The following CDYL variants were observed in gnomAD, a reference collection of about 807,000 sequenced individuals.
CDYL encodes chromodomain Y-like protein.
Under a neutral mutation model 47.3 loss-of-function variants are expected in CDYL, and 8 were observed. The observed-to-expected ratio is 0.17, with a 90% CI of 0.10 to 0.31. CDYL has a LOEUF of 0.31. CDYL is among the 10% of genes least tolerant of loss of function. The pLI is 1.00. For missense variants in CDYL, 471 were observed against 701.4 expected (o/e 0.67, Z 3.71); for synonymous variants, 266 against 265.0 (o/e 1.00, Z -0.04).
intron 1 of CDYL, among the ~76,000 whole-genome samples, chr6:4,814,675 A>G (rs537109871): frequency 1.3e-5 from 2 of 152,196 alleles, no homozygotes; most frequent in East Asian, 3.9e-4. Context: ...ACAGCCGGCT[A>G]CCATGCCTGG....
At chr6:4,761,033 C>T (rs1381156864) in intron 3 of CDYL, among the ~76,000 whole-genome samples, 1 of 152,092 alleles carries the variant, frequency 6.6e-6, no homozygotes, top group African/African-American at 2.4e-5. Flanking sequence ...ACTATATTTC[C>T]AACTATGTTA....
chr6:4,904,833 G>A (rs528800458), intron 2 of CDYL, among the ~76,000 whole-genome samples: 31 of 152,294 alleles, frequency 2.0e-4, no homozygotes, highest in Non-Finnish European at 4.4e-4. Flanking sequence ...CTTAGGACCC[G>A]TGTTAGCCAC....
At chr6:4,952,969 C>T (rs1339515090) in intron 6 of CDYL, among the ~76,000 whole-genome samples, 3 of 151,990 alleles carry the variant, frequency 2.0e-5, no homozygotes, top group African/African-American at 4.8e-5. Flanking sequence ...AGTCTCACCA[C>T]GTTGGCCAGG....
chr6:4,848,968 A>C (rs1249820587), intron 1 of CDYL, among the ~76,000 whole-genome samples: 1 of 152,272 alleles, frequency 6.6e-6, no homozygotes, highest in Admixed American at 6.5e-5. Context: ...CATTCTTTGC[A>C]TAACAGCAAA....
At chr6:4,879,552 G>GTTTTTTT (rs59685693) in intron 1 of CDYL, among the ~76,000 whole-genome samples, 3 of 106,184 alleles carry the variant, frequency 2.8e-5, no homozygotes, top group Non-Finnish European at 5.4e-5. Flanking sequence ...TTTTTGTGGG[G>GTTTTTTT]TTTTTTTTTT....
intron 1 of CDYL, among the ~76,000 whole-genome samples, chr6:4,778,310 A>G (rs1422610851): frequency 2.0e-5 from 3 of 152,236 alleles, no homozygotes; most frequent in African/African-American, 7.2e-5. Flanking sequence ...TTACATAATC[A>G]GTTCCATCAG....
In CDYL at chr6:4,942,156, A is replaced by T. The variant is rs1758377830; in HGVS notation, c.1122-1390A>T. Among the ~76,000 whole-genome samples, 4 of 152,330 alleles carry T rather than the reference A, an allele frequency of 2.6e-5. No homozygotes were observed. The South Asian group carries it at 6.2e-4, about 24-fold the overall frequency. On this transcript the variant is annotated intron_variant, in intron 4 of 6. Coordinates refer to ENST00000397588, the MANE Select transcript of CDYL (RefSeq NM_004824.4). ...AAGAATGCCTCAGGCTCTCTCATTTAGAAAGACTTAGTGCAACTCATTCAT... is the reference window on the plus strand; with the variant it reads ...AAGAATGCCTCAGGCTCTCTCATTTTGAAAGACTTAGTGCAACTCATTCAT...
At chr6:4,749,721 G>A (rs1186242712) in intron 3 of CDYL, among the ~76,000 whole-genome samples, 1 of 152,196 alleles carries the variant, frequency 6.6e-6, no homozygotes, top group Non-Finnish European at 1.5e-5. Context: ...GGAAACCTAA[G>A]ACATGGATGT....
intron 1 of CDYL, among the ~76,000 whole-genome samples, chr6:4,811,730 C>T (rs1759534572): frequency 1.3e-5 from 2 of 151,896 alleles, no homozygotes; most frequent in Middle Eastern, 3.4e-3. Context: ...CCTGCCTTTC[C>T]AAAGCTCTGG....
At chr6:4,809,599 C>CT (rs1391194542) in intron 1 of CDYL, among the ~76,000 whole-genome samples, 1 of 136,520 alleles carries the variant, frequency 7.3e-6, no homozygotes, top group Non-Finnish European at 1.6e-5. Flanking sequence ...CTTGGTGATC[C>CT]TTTGTATGGT....
At chr6:4,898,782 T>A (rs1006038285) in intron 2 of CDYL, among the ~76,000 whole-genome samples, 2 of 152,250 alleles carry the variant, frequency 1.3e-5, no homozygotes, top group African/African-American at 4.8e-5. Flanking sequence ...CAGGAATCTT[T>A]AAAAACATGC....
chr6:4,791,089 A>G (rs1160542542), intron 1 of CDYL, among the ~76,000 whole-genome samples: 2 of 152,250 alleles, frequency 1.3e-5, no homozygotes, highest in Non-Finnish European at 2.9e-5. Context: ...TCTTTGGAGA[A>G]TACATTAAGG....
At chr6:4,737,649 C>T (rs935210461) in intron 3 of CDYL, among the ~76,000 whole-genome samples, 1 of 151,936 alleles carries the variant, frequency 6.6e-6, no homozygotes, top group Non-Finnish European at 1.5e-5. Flanking sequence ...GCCTCAGCCT[C>T]CCAAGTAGGG....
At chr6:4,836,384 G>A in intron 1 of CDYL, 1 of 400,526 alleles carries the variant, frequency 2.5e-6, no homozygotes, top group Non-Finnish European at 3.4e-6. Context: ...TTTTAAACCA[G>A]TGTGATACAT....
At chr6:4,755,987 C>T (rs917169852) in intron 3 of CDYL, among the ~76,000 whole-genome samples, 7 of 151,966 alleles carry the variant, frequency 4.6e-5, no homozygotes, top group Non-Finnish European at 1.0e-4. Flanking sequence ...GAAGGTTTTT[C>T]CCTCCTCCTT....
chr6:4,943,800 AGCTTCCTGAAG>A, intron 5 of CDYL, 44 bp downstream of exon 5: 1 of 1,372,906 alleles, frequency 7.3e-7, no homozygotes, highest in Non-Finnish European at 1.0e-6. Flanking sequence ...CATTCTAGAA[AGCTTCCTGAAG>A]AAATCTAGTT....
intron 1 of CDYL, among the ~76,000 whole-genome samples, chr6:4,834,472 G>A (rs1414109106): frequency 1.3e-5 from 2 of 149,678 alleles, no homozygotes; most frequent in Non-Finnish European, 3.0e-5. Flanking sequence ...TCCCTTTGTG[G>A]GTAACCCGAC....
chr6:4,723,524 G>T (rs1757414062), intron 2 of CDYL, among the ~76,000 whole-genome samples: 2 of 152,126 alleles, frequency 1.3e-5, no homozygotes, highest in African/African-American at 4.8e-5. Context: ...CAAGAGTGGG[G>T]GCTGCCAGCA....
chr6:4,768,007 G>T (rs1758281545), intron 3 of CDYL, among the ~76,000 whole-genome samples: 1 of 152,200 alleles, frequency 6.6e-6, no homozygotes, highest in Non-Finnish European at 1.5e-5. Flanking sequence ...CCCAGGACCT[G>T]GTCATGAGCT....
Sources: allele counts gnomAD v4.1 joint callset (sites outside exome capture counted in the v4.1 genomes callset), GRCh38; gene constraint gnomAD v4.1.1; transcripts MANE v1.5; gene names NCBI Gene and HGNC (gene_info 2026-07-23, HGNC 2026-07-21).